The following KIF1A variants were observed in gnomAD, a reference collection of about 807,000 sequenced individuals.
KIF1A encodes kinesin family member 1A, also known as kinesin-like protein KIF1A.
A neutral mutation model predicts 227.3 loss-of-function variants in KIF1A; 46 were observed. The ratio of observed to expected loss-of-function variants is 0.20; its 90% CI spans 0.16 to 0.26. The LOEUF (loss-of-function observed/expected upper bound fraction) is 0.26, where lower values mean the gene tolerates loss of function less well. Ranked by LOEUF, KIF1A falls within the 10% of genes least tolerant of loss-of-function variation. KIF1A has a pLI of 1.00. For missense variants in KIF1A, 1,683 were observed against 2,485.9 expected (o/e 0.68, Z 6.87); for synonymous variants, 1,022 against 1,012.8 (o/e 1.01, Z -0.17).
chr2:240,771,477 G>T (rs1172419791), intron 14 of KIF1A, among the ~76,000 whole-genome samples: 2 of 152,132 alleles, frequency 1.3e-5, no homozygotes, highest in East Asian at 3.9e-4. Flanking sequence ...CACCCCCTGC[G>T]CCAGGCTTCT....
chr2:240,732,135 G>C (rs2046748884), intron 38 of KIF1A, among the ~76,000 whole-genome samples: 1 of 90,854 alleles, frequency 1.1e-5, no homozygotes, highest in South Asian at 4.8e-4. Flanking sequence ...GAGGGGAGGA[G>C]GGGATGAGGG....
chr2:240,719,359 C>T (rs960335525), intron 46 of KIF1A, among the ~76,000 whole-genome samples, 161 bp from the exon 47 acceptor site: 1 of 152,212 alleles, frequency 6.6e-6, no homozygotes, highest in Non-Finnish European at 1.5e-5. Context: ...GAACCCCAAC[C>T]CAGCAGGCCG....
At chr2:240,741,226 C>A in intron 35 of KIF1A, 43 bp downstream of exon 35, 2 of 1,370,224 alleles carry the variant, frequency 1.5e-6, no homozygotes, top group East Asian at 2.5e-5. Flanking sequence ...GCGCACCCCC[C>A]GACACACACT....
chr2:240,817,546 C>G (rs570711192), intron 1 of KIF1A, among the ~76,000 whole-genome samples: 1 of 152,202 alleles, frequency 6.6e-6, no homozygotes, highest in Non-Finnish European at 1.5e-5. Flanking sequence ...TAGATGTGCA[C>G]GGATGGTCTC....
In KIF1A at chr2:240,757,675, G is replaced by A. The variant is rs2050033265; in HGVS notation, c.2583-81C>T. On this transcript the variant is annotated intron_variant, in intron 26 of 48. Coordinates refer to ENST00000498729, the MANE Select transcript of KIF1A (RefSeq NM_001244008.2). The surrounding 1 kb of genome is among the most constrained non-coding windows in gnomAD (Gnocchi z 6.2). ...AACAGGGGCCGGGGCCGGGGCTGGG[G>A]GGCTTCTGTTTAAAACCAAAACCAA... is the stretch of plus-strand genomic sequence containing the variant. 8 of 1,441,942 alleles carry A rather than the reference G, an allele frequency of 5.5e-6. No homozygotes were observed. The highest frequency in any genetic ancestry group is 7.4e-6 in the Non-Finnish European group (8 of 1,074,658). The allele number at this position is 1,441,942 out of a possible 1,614,324, so 89.3% of individuals were successfully genotyped here. A position where few individuals can be genotyped will look rare whatever the true frequency, so the allele number is the denominator to read the frequency against.
intron 25 of KIF1A, among the ~76,000 whole-genome samples, chr2:240,760,260 C>A (rs919345638): frequency 1.3e-5 from 2 of 152,216 alleles, no homozygotes; most frequent in African/African-American, 4.8e-5. Context: ...CATCCCCCAC[C>A]ACCTCTCCCA....
At position 240,718,986 on chromosome 2, in the gene KIF1A, T is replaced by C. The variant is rs755030181; in HGVS notation, c.5214+20A>G. On this transcript the variant is annotated intron_variant, in intron 47 of 48. Transcript: ENST00000498729. Reference sequence around the variant, plus strand: ...TGCTAGGGTTCCTGGTGCCCGAGCCTGAGCCGGGCCCAGCCGCACCTTGAG... The same window carrying C: ...TGCTAGGGTTCCTGGTGCCCGAGCCCGAGCCGGGCCCAGCCGCACCTTGAG... The C allele has an allele frequency of 3.1e-6, 5 of 1,587,752 alleles. No individual in the cohort carries two copies. In the East Asian group the frequency reaches 9.1e-5, roughly 29 times the overall value.
intron 16 of KIF1A, 53 bp downstream of exon 16, chr2:240,769,574 C>G (rs1055002240): frequency 1.4e-6 from 2 of 1,481,210 alleles, no homozygotes; most frequent in African/African-American, 2.8e-5. Flanking sequence ...GCCCAGGCTC[C>G]GGGCTTGCTG....
Position 240,757,408 on chromosome 2 carries a change from G to GTCCTCCTCCTCCTCA in KIF1A, c.2754_2768dup (p.Glu919_Asp923dup). 1.3e-6 allele frequency: 2 copies of GTCCTCCTCCTCCTCA among 1,533,002 alleles called. No homozygotes were observed. Among genetic ancestry groups the GTCCTCCTCCTCCTCA allele is most frequent in the East Asian group, 2.5e-5 (1 of 40,182 alleles). 95.0% of individuals were successfully genotyped at this position (1,533,002 alleles called of 1,614,324 possible). On this transcript the variant is annotated inframe_insertion, in exon 27 of 49. Coordinates refer to ENST00000498729, the MANE Select transcript of KIF1A (RefSeq NM_001244008.2). The surrounding 1 kb of genome is among the most constrained non-coding windows in gnomAD (Gnocchi z 6.2). ...GCTCCGGAAAGACGTCGTCCTCCAG[G>GTCCTCCTCCTCCTCA]TCCTCCTCCTCCTCATCCTCCTCCT...
At chr2:240,811,265 T>C (rs1264482391) in intron 1 of KIF1A, among the ~76,000 whole-genome samples, 4 of 152,052 alleles carry the variant, frequency 2.6e-5, no homozygotes, top group African/African-American at 4.8e-5. Flanking sequence ...CTTGGGAGGC[T>C]GAGGTAGGAG....
chr2:240,720,537 G>A (rs1471590546), intron 45 of KIF1A: 9 of 174,524 alleles, frequency 5.2e-5, no homozygotes, highest in Admixed American at 1.1e-4. Context: ...TTCCAAATGC[G>A]GACCTGCAGG....
intron 38 of KIF1A, chr2:240,728,382 G>A: frequency 7.7e-7 from 1 of 1,300,176 alleles, no homozygotes; most frequent in Non-Finnish European, 1.0e-6. Flanking sequence ...AGAAAAGTGA[G>A]CTGTACCTAG....
intron 1 of KIF1A, among the ~76,000 whole-genome samples, chr2:240,804,915 C>G (rs4292088): frequency 0.38 from 56,832 of 151,322 alleles, 11,369 homozygotes; most frequent in African/African-American, 0.52. Context: ...ATATGAACAT[C>G]AGCCAAATGT....
At chr2:240,782,294 G>T in intron 10 of KIF1A, 2 of 788,766 alleles carry the variant, frequency 2.5e-6, no homozygotes, top group Non-Finnish European at 3.1e-6. Flanking sequence ...GCCCCTTTCA[G>T]CTCCTCCCAG....
At chr2:240,817,050 G>A (rs1037873034) in intron 1 of KIF1A, among the ~76,000 whole-genome samples, 2 of 152,228 alleles carry the variant, frequency 1.3e-5, no homozygotes, top group African/African-American at 4.8e-5. Flanking sequence ...CGTCAGGTGG[G>A]GCCACTGTGC....
chr2:240,804,578 G>A (rs2057227717), intron 1 of KIF1A, among the ~76,000 whole-genome samples: 1 of 152,092 alleles, frequency 6.6e-6, no homozygotes, highest in South Asian at 2.1e-4. Flanking sequence ...AGTGATGACT[G>A]GAACCAAGTC....
At chr2:240,810,422 C>T (rs921176644) in intron 1 of KIF1A, among the ~76,000 whole-genome samples, 1 of 152,160 alleles carries the variant, frequency 6.6e-6, no homozygotes, top group Non-Finnish European at 1.5e-5. Context: ...AAGTAGGGCA[C>T]ACCAAACGCT....
Position 240,797,756 on chromosome 2 carries a change from T to C in KIF1A, c.-4A>G, listed in dbSNP as rs1462394658. ...CCTTCACCGAAGCCCCGGCCATCTC[T>C]GTGGCCTTCGTGGGTCACTCCTCGC... On this transcript the variant is annotated 5_prime_UTR_variant, in exon 2 of 49. Coordinates refer to ENST00000498729, the MANE Select transcript of KIF1A (RefSeq NM_001244008.2). The C allele has an allele frequency of 6.3e-7, 1 of 1,596,902 alleles. No homozygotes were observed. Among genetic ancestry groups the C allele is most frequent in the Non-Finnish European group, 8.6e-7 (1 of 1,168,544 alleles).
At chr2:240,722,352 C>T in intron 43 of KIF1A, 104 bp downstream of exon 43, 1 of 1,125,966 alleles carries the variant, frequency 8.9e-7, no homozygotes, top group Non-Finnish European at 1.3e-6. Flanking sequence ...TGGTGCTAAC[C>T]AGAGCAGCCA....
Sources: allele counts gnomAD v4.1 joint callset (sites outside exome capture counted in the v4.1 genomes callset), GRCh38; gene constraint gnomAD v4.1.1; non-coding constraint Gnocchi (gnomAD v3.1); transcripts MANE v1.5; gene names NCBI Gene and HGNC (gene_info 2026-07-23, HGNC 2026-07-21).